PPP2R2D: variants seen among roughly 807,000 people sequenced by gnomAD.
The protein encoded by PPP2R2D is protein phosphatase 2 regulatory subunit Bdelta, also known as serine/threonine-protein phosphatase 2A 55 kDa regulatory subunit B delta isoform.
A neutral mutation model predicts 31.1 loss-of-function variants in PPP2R2D; 9 were observed. The ratio of observed to expected loss-of-function variants is 0.29; its 90% CI spans 0.17 to 0.51. The LOEUF (loss-of-function observed/expected upper bound fraction) is 0.51, where lower values mean the gene tolerates loss of function less well. PPP2R2D is among the 20% of genes least tolerant of loss of function. The pLI is 0.98. For synonymous variants in PPP2R2D, 179 were observed against 172.6 expected, an observed-to-expected ratio of 1.04 and a Z score of -0.29; for missense variants, 391 against 465.6, an observed-to-expected ratio of 0.84 and a Z score of 1.48.
the PPP2R2D span, chr10:131,968,261 C>T: frequency 1.0e-5 from 3 of 297,224 alleles, no homozygotes; most frequent in East Asian, 1.6e-4. Context: ...ATATTTATAT[C>T]TAATATCAAA....
chr10:131,922,213 C>G (rs1589935739), intron 2 of PPP2R2D, among the ~76,000 whole-genome samples: 1 of 152,156 alleles, frequency 6.6e-6, no homozygotes, highest in East Asian at 1.9e-4. Flanking sequence ...CCGTTTCTCT[C>G]TCATGTCATT....
chr10:131,962,313 C>T (rs2036936586), downstream of PPP2R2D, among the ~76,000 whole-genome samples: 1 of 152,146 alleles, frequency 6.6e-6, no homozygotes, highest in Non-Finnish European at 1.5e-5. Flanking sequence ...CGGTCCAGTC[C>T]TAAGAAAGCT....
At chr10:131,923,264 C>T (rs2036028725) in intron 2 of PPP2R2D, among the ~76,000 whole-genome samples, 1 of 152,220 alleles carries the variant, frequency 6.6e-6, no homozygotes, top group Non-Finnish European at 1.5e-5. Flanking sequence ...CCGGCTGCTT[C>T]TCCCCAGCGT....
intron 8 of PPP2R2D, among the ~76,000 whole-genome samples, chr10:131,950,121 G>A (rs2036610142): frequency 6.6e-6 from 1 of 152,182 alleles, no homozygotes; most frequent in African/African-American, 2.4e-5. Context: ...GGTCCATTTT[G>A]GCTAAACAGA....
intron 8 of PPP2R2D, 70 bp from the exon 9 acceptor site, chr10:131,955,614 G>A: frequency 7.6e-7 from 1 of 1,308,886 alleles, no homozygotes. Flanking sequence ...GCACCCCAGG[G>A]GTGGGGTCTG....
At position 131,947,563 on chromosome 10, in the gene PPP2R2D, C is replaced by T. The variant is rs1564823923; in HGVS notation, c.854C>T (p.Ser285Phe). ...GAGCCTGAAGATCCCAGCAGTAGGT[C>T]CTTCTTCTCAGAAATAATTTCATCC... Reference protein sequence around the residue: ...FEEPEDPSSRSFFSEIISSIS... With the variant: ...FEEPEDPSSRFFFSEIISSIS... Residue 285 changes from serine (S) to phenylalanine (F), a missense_variant, in exon 8 of 9, where the codon TCC becomes TTC. Transcript: ENST00000455566. This position sits in a 1 kb window ranked among gnomAD's most constrained non-coding sequence, Gnocchi z 4.3. The T allele has an allele frequency of 1.2e-6, 2 of 1,614,146 alleles. No individual in the cohort carries two copies. Among genetic ancestry groups the T allele is most frequent in the Non-Finnish European group, 1.7e-6 (2 of 1,180,002 alleles).
downstream of PPP2R2D, among the ~76,000 whole-genome samples, chr10:131,964,752 C>G (rs782311754): frequency 1.2e-4 from 18 of 151,744 alleles, no homozygotes; most frequent in Admixed American, 3.3e-4. Flanking sequence ...CCAGCCCACC[C>G]CTTCAGTATG....
Position 131,936,665 on chromosome 10 carries a change from TAA to T in PPP2R2D, c.198+2113_198+2114del, listed in dbSNP as rs200804687. On this transcript the variant is annotated intron_variant, in intron 3 of 8. Coordinates refer to ENST00000455566, the MANE Select transcript of PPP2R2D (RefSeq NM_018461.5). ...GTCTCAAATATAAAACAAACCCTGA[TAA>T]AAGTCAAGCATCTCGTTCTAAAAGA... Among the ~76,000 whole-genome samples, 66 of 152,350 alleles carry T rather than the reference TAA, an allele frequency of 4.3e-4. No individual in the cohort carries two copies. The East Asian group carries it at 0.011, about 26-fold the overall frequency.
intron 2 of PPP2R2D, among the ~76,000 whole-genome samples, chr10:131,930,577 C>T (rs1055783094): frequency 6.6e-6 from 1 of 152,244 alleles, no homozygotes; most frequent in African/African-American, 2.4e-5. Flanking sequence ...ATTGTTTTCT[C>T]CCAGAATTTT....
At chr10:131,963,429 T>TG (rs2036946473), downstream of PPP2R2D, among the ~76,000 whole-genome samples, 1 of 152,236 alleles carries the variant, frequency 6.6e-6, no homozygotes, top group African/African-American at 2.4e-5. Context: ...ACTTGTTTCT[T>TG]GGGGGGTTAC....
chr10:131,934,489 C>T lies in PPP2R2D; in HGVS notation c.132C>T (p.Tyr44=), dbSNP rs1376364071. 1.3e-6 allele frequency: 1 copy of T among 780,368 alleles called. No homozygotes were observed. The highest frequency in any genetic ancestry group is 2.4e-6 in the Non-Finnish European group (1 of 417,910). 48.3% of individuals were successfully genotyped at this position (780,368 alleles called of 1,614,324 possible). Residue 44 remains tyrosine, a synonymous_variant, in exon 3 of 9, where the codon TAC becomes TAT. Transcript: ENST00000455566. ...ADIISTVEFN[Y]SGDLLATGDK... ...TCATTTCCACCGTTGAGTTTAATTA[C>T]TCTGGAGATCTTCTTGCAACAGGAG...
At chr10:131,970,693 G>C in the PPP2R2D span, 2 of 1,614,196 alleles carry the variant, frequency 1.2e-6, no homozygotes, top group Non-Finnish European at 1.7e-6. This position sits in a 1 kb window ranked among gnomAD's most constrained non-coding sequence, Gnocchi z 4.1. Context: ...AAAACTTTCA[G>C]AAATTCTGCA....
intron 8 of PPP2R2D, among the ~76,000 whole-genome samples, chr10:131,953,281 A>G (rs1252494925): frequency 1.1e-4 from 9 of 81,922 alleles, no homozygotes; most frequent in South Asian, 9.6e-4. Flanking sequence ...AGTGACTTGC[A>G]GGTATGCGGG....
At chr10:131,914,002 G>A (rs912564250) in intron 2 of PPP2R2D, among the ~76,000 whole-genome samples, 5 of 152,150 alleles carry the variant, frequency 3.3e-5, no homozygotes, top group Admixed American at 3.3e-4. Flanking sequence ...CCACTGCACC[G>A]GCACACAGGA....
chr10:131,929,133 G>A (rs782436400), intron 2 of PPP2R2D, among the ~76,000 whole-genome samples: 3 of 152,138 alleles, frequency 2.0e-5, no homozygotes, highest in Non-Finnish European at 2.9e-5. Flanking sequence ...GTACTACCTC[G>A]GAAATCTTGG....
downstream of PPP2R2D, among the ~76,000 whole-genome samples, chr10:131,961,384 G>T (rs1554901444): frequency 6.6e-6 from 1 of 152,190 alleles, no homozygotes; most frequent in African/African-American, 2.4e-5. Context: ...CTCAGGCCCT[G>T]CAGAGCTGTG....
chr10:131,911,189 C>G (rs2035677221), intron 2 of PPP2R2D, among the ~76,000 whole-genome samples: 1 of 152,156 alleles, frequency 6.6e-6, no homozygotes, highest in African/African-American at 2.4e-5. Flanking sequence ...AGCACTCAAC[C>G]TATGGGATTT....
Position 131,906,208 on chromosome 10 carries a change from T to A in PPP2R2D, c.100+4878T>A, listed in dbSNP as rs921098428. On this transcript the variant is annotated intron_variant, in intron 2 of 8. Transcript: ENST00000455566. ...TTATATATTACACTAATTGCTCCTA[T>A]GGAGAAACCGTGGGGAGGGGTTGGG... Among the ~76,000 whole-genome samples the A allele has an allele frequency of 2.7e-3, 404 of 152,282 alleles. 5 individuals are homozygous for A. Among genetic ancestry groups the A allele is most frequent in the African/African-American group, 9.2e-3 (381 of 41,572 alleles).
intron 8 of PPP2R2D, among the ~76,000 whole-genome samples, chr10:131,950,461 CA>C (rs2036616866): frequency 6.6e-6 from 1 of 151,850 alleles, no homozygotes; most frequent in South Asian, 2.1e-4. Context: ...TCGGCTTTGC[CA>C]CGGCCACAGT....
Sources: gnomAD v4.1 joint callset for allele counts (sites outside exome capture counted in the v4.1 genomes callset) on GRCh38, gnomAD v4.1.1 for gene constraint, Gnocchi (gnomAD v3.1) non-coding constraint, MANE v1.5 for transcripts, NCBI Gene and HGNC (gene_info 2026-07-23, HGNC 2026-07-21) for gene names.